Variants in ST7 observed in about 807,000 individuals in gnomAD.
ST7 encodes the protein suppression of tumorigenicity 7.
Under a neutral mutation model 78.7 loss-of-function variants are expected in ST7, and 28 were observed. The ratio of observed to expected loss-of-function variants is 0.36; its 90% CI spans 0.26 to 0.49. The LOEUF is 0.49. Among genes scored for constraint, ST7 ranks in the 20% least tolerant of loss-of-function variants. The pLI is 0.99. For synonymous variants in ST7, 247 were observed against 249.6 expected, an observed-to-expected ratio of 0.99 and a Z score of 0.10; for missense variants, 418 against 696.0, an observed-to-expected ratio of 0.60 and a Z score of 4.49.
chr7:117,041,271 G>A (rs770383011), intron 1 of ST7, among the ~76,000 whole-genome samples: 3 of 152,164 alleles, frequency 2.0e-5, no homozygotes, highest in Non-Finnish European at 2.9e-5. Flanking sequence ...AGATGAGCAA[G>A]CAGATTGATT....
chr7:117,093,413 C>A (rs1282333193), intron 1 of ST7, among the ~76,000 whole-genome samples: 3 of 152,106 alleles, frequency 2.0e-5, no homozygotes, highest in Non-Finnish European at 2.9e-5. Context: ...TATAAGATGC[C>A]AAATCAGGCC....
At chr7:117,174,716 C>G (rs1584517958) in intron 10 of ST7, among the ~76,000 whole-genome samples, 1 of 152,120 alleles carries the variant, frequency 6.6e-6, no homozygotes, top group East Asian at 1.9e-4. Context: ...TGAGAACCTA[C>G]CATGTGCCAA....
intron 1 of ST7, among the ~76,000 whole-genome samples, chr7:117,039,413 A>G (rs778998898): frequency 6.6e-6 from 1 of 152,114 alleles, no homozygotes; most frequent in Non-Finnish European, 1.5e-5. Flanking sequence ...GTCTCTACCA[A>G]AAAATAAAAA....
At chr7:117,073,632 G>T (rs192630238) in intron 1 of ST7, among the ~76,000 whole-genome samples, 1 of 152,234 alleles carries the variant, frequency 6.6e-6, no homozygotes, top group East Asian at 1.9e-4. Context: ...GCCACTACTC[G>T]TATGACTCAA....
At chr7:117,126,747 T>G (rs1803883879) in intron 3 of ST7, among the ~76,000 whole-genome samples, 1 of 151,852 alleles carries the variant, frequency 6.6e-6, no homozygotes, top group Non-Finnish European at 1.5e-5. Flanking sequence ...AAAAAAGGAT[T>G]AGAGCTTGCT....
intron 12 of ST7, among the ~76,000 whole-genome samples, chr7:117,203,235 C>T (rs1336570143): frequency 1.3e-5 from 2 of 152,206 alleles, no homozygotes; most frequent in Admixed American, 1.3e-4. Context: ...GGAGAGTAGC[C>T]TGAGTTCAAA....
In ST7 at chr7:117,228,697, A is replaced by T. The variant is rs189153286; in HGVS notation, c.1639-1065A>T. ...TAGTAAAGGAGCCTGATTTAACTTT[A>T]TTAAATATACTAAATTTGCTTGACC... On this transcript the variant is annotated intron_variant, in intron 15 of 15. Transcript: ENST00000323984. Among the ~76,000 whole-genome samples the T allele has an allele frequency of 2.3e-3, 343 of 152,318 alleles. 1 individual carries two copies. Among genetic ancestry groups the T allele is most frequent in the Non-Finnish European group, 4.0e-3 (270 of 68,034 alleles).
At chr7:117,049,022 C>A (rs1344738790) in intron 1 of ST7, among the ~76,000 whole-genome samples, 1 of 152,160 alleles carries the variant, frequency 6.6e-6, no homozygotes, top group Admixed American at 6.5e-5. Context: ...AAGGACAGAG[C>A]ATTGATGGAA....
At chr7:117,002,729 G>A (rs1252462334) in intron 1 of ST7, among the ~76,000 whole-genome samples, 1 of 146,514 alleles carries the variant, frequency 6.8e-6, no homozygotes, top group Admixed American at 6.9e-5. Context: ...AAGAAATTAT[G>A]CAAATTAATA....
At chr7:117,006,290 C>T (rs916529290) in intron 1 of ST7, among the ~76,000 whole-genome samples, 4 of 152,168 alleles carry the variant, frequency 2.6e-5, no homozygotes, top group African/African-American at 9.7e-5. Context: ...TCACTCTTTC[C>T]TTCTTACCAT....
chr7:117,020,559 T>C (rs764712870), intron 1 of ST7: 57 of 1,545,190 alleles, frequency 3.7e-5, no homozygotes, highest in Middle Eastern at 1.7e-4. Context: ...TCTTTTTTTT[T>C]TCCCTTTTCT....
At chr7:117,119,199 C>T (rs1392055987) in intron 2 of ST7, among the ~76,000 whole-genome samples, 4 of 152,044 alleles carry the variant, frequency 2.6e-5, no homozygotes, top group African/African-American at 4.8e-5. Flanking sequence ...TTTCATAAGC[C>T]GTATTTCAAA....
chr7:117,007,666 A>G (rs1258288080), intron 1 of ST7, among the ~76,000 whole-genome samples: 1 of 152,218 alleles, frequency 6.6e-6, no homozygotes, highest in African/African-American at 2.4e-5. Context: ...TCATAGCTGG[A>G]GAGAAGTCAA....
intron 12 of ST7, among the ~76,000 whole-genome samples, chr7:117,204,648 T>G (rs1354774896): frequency 6.6e-6 from 1 of 152,228 alleles, no homozygotes; most frequent in Admixed American, 6.5e-5. Flanking sequence ...GACTATGTGG[T>G]GTCTCTCCCA....
At chr7:117,095,303 C>T (rs772841451) in intron 1 of ST7, among the ~76,000 whole-genome samples, 6 of 152,196 alleles carry the variant, frequency 3.9e-5, no homozygotes, top group Admixed American at 2.0e-4. Context: ...CTGAGTAAGC[C>T]TTCTGGTGTG....
intron 1 of ST7, among the ~76,000 whole-genome samples, chr7:117,087,953 G>T (rs1394911755): frequency 1.3e-5 from 2 of 152,140 alleles, no homozygotes. Context: ...TCACATCTCT[G>T]GTTATGAATG....
intron 1 of ST7, among the ~76,000 whole-genome samples, chr7:117,021,176 C>G (rs1477907810): frequency 6.6e-6 from 1 of 151,634 alleles, no homozygotes; most frequent in Non-Finnish European, 1.5e-5. Flanking sequence ...TTTTGATATG[C>G]TGGCTAGCAT....
chr7:117,088,897 T>C lies in ST7; in HGVS notation c.152-10865T>C, dbSNP rs114985330. On this transcript the variant is annotated intron_variant, in intron 1 of 15. Coordinates refer to ENST00000323984, the MANE Select transcript of ST7 (RefSeq NM_001369598.1). ...ACTGCACCTTGCAAGAACTGAGCAA[T>C]CCAAACATTTCAATTCCCCAGAGCA... Among the ~76,000 whole-genome samples, 650 of 152,054 alleles carry C rather than the reference T, an allele frequency of 4.3e-3. 3 individuals carry two copies. Among genetic ancestry groups the C allele is most frequent in the African/African-American group, 0.015 (614 of 41,452 alleles).
chr7:116,980,049 C>G (rs6951632), intron 1 of ST7, among the ~76,000 whole-genome samples: 7,017 of 147,834 alleles, frequency 0.047, 562 homozygotes, highest in African/African-American at 0.17. Flanking sequence ...ACCTCCGGCT[C>G]CTGGATTCAA....
Sources: gnomAD v4.1 joint callset for allele counts (sites outside exome capture counted in the v4.1 genomes callset) on GRCh38, gnomAD v4.1.1 for gene constraint, MANE v1.5 for transcripts, NCBI Gene and HGNC (gene_info 2026-07-23, HGNC 2026-07-21) for gene names.